Variants in DNASE1 observed in about 807,000 individuals in gnomAD.
DNASE1 encodes deoxyribonuclease 1, also known as deoxyribonuclease-1.
DNASE1 carries 40 observed loss-of-function variants against 33.9 expected under a neutral mutation model. The ratio of observed to expected loss-of-function variants is 1.18; its 90% CI spans 0.92 to 1.54. The LOEUF (loss-of-function observed/expected upper bound fraction) is 1.54, where lower values mean the gene tolerates loss of function less well. DNASE1 is among the 40% of genes most tolerant of loss of function. The pLI is 0.00. For synonymous variants in DNASE1, 216 were observed against 160.0 expected (o/e 1.35, Z -2.64); for missense variants, 518 against 372.6 (o/e 1.39, Z -3.21).
chr16:3,632,586 CTT>C (rs554432843), intron 1 of DNASE1, among the ~76,000 whole-genome samples: 12 of 141,180 alleles, frequency 8.5e-5, no homozygotes, highest in Admixed American at 1.4e-4. Flanking sequence ...TTTTTTCTCT[CTT>C]TTTTTTTTTT....
At chr16:3,643,408 A>C (rs2042078108) in intron 1 of DNASE1, among the ~76,000 whole-genome samples, 1 of 152,192 alleles carries the variant, frequency 6.6e-6, no homozygotes. Context: ...GCCCTAAGAA[A>C]TATCCCAGGC....
At chr16:3,648,350 C>A (rs2042234053) in intron 1 of DNASE1, among the ~76,000 whole-genome samples, 1 of 152,170 alleles carries the variant, frequency 6.6e-6, no homozygotes. Flanking sequence ...AACACAAGGT[C>A]AGGAGATCGA....
At chr16:3,615,113 C>G (rs2151151166) in intron 1 of DNASE1, among the ~76,000 whole-genome samples, 1 of 152,014 alleles carries the variant, frequency 6.6e-6, no homozygotes, top group Non-Finnish European at 1.5e-5. Context: ...CTTAGGCCTA[C>G]TGAATAAATC....
At chr16:3,621,474 C>A (rs1326245666) in intron 1 of DNASE1, among the ~76,000 whole-genome samples, 1 of 152,138 alleles carries the variant, frequency 6.6e-6, no homozygotes. Context: ...CTACTTCTGG[C>A]CCCCTGACCT....
chr16:3,638,390 TA>T (rs1364579222), upstream of DNASE1, among the ~76,000 whole-genome samples: 1 of 152,154 alleles, frequency 6.6e-6, no homozygotes, highest in Non-Finnish European at 1.5e-5. Context: ...CAGGCTGGAG[TA>T]CAGTGGCGCA....
At chr16:3,661,832 G>C (rs532816064), downstream of DNASE1, 8 of 968,196 alleles carry the variant, frequency 8.3e-6, no homozygotes, top group South Asian at 2.1e-4. Context: ...ATTTCACATG[G>C]GTGCAGCCTA....
Position 3,656,178 on chromosome 16 carries a change from G to C in DNASE1, c.313G>C (p.Val105Leu), listed in dbSNP as rs772877991. 1.9e-5 allele frequency: 31 copies of C among 1,613,876 alleles called. No homozygotes were observed. Among genetic ancestry groups the C allele is most frequent in the African/African-American group, 2.7e-5 (2 of 74,926 alleles). ...CAGCTATAAGGAGCGCTACCTGTTC[G>C]TGTACAGGTGGGTGGTCTAGAAAGC... ...RNSYKERYLF[V>L]YRPDQVSAVD... is the part of the protein sequence containing the mutation. The change falls in exon 4 of 9, where the codon GTG becomes CTG. Residue 105 changes from valine to leucine, a missense_variant. By Grantham distance (32) the Val-to-Leu change is conservative (BLOSUM62 1). Transcript: ENST00000246949.
At chr16:3,664,120 G>T (rs114728738) in exon 10 of DNASE1, 6 of 767,376 alleles carry the variant, frequency 7.8e-6, no homozygotes, top group South Asian at 2.5e-5. Context: ...GGAAACAGCC[G>T]TCACAGTCGG....
In DNASE1 at chr16:3,657,005, G is replaced by A; in HGVS notation, c.443G>A (p.Arg148Lys). 5 of 1,613,636 alleles carry A rather than the reference G, an allele frequency of 3.1e-6. No individual in the cohort carries two copies. Among genetic ancestry groups the A allele is most frequent in the Non-Finnish European group, 4.2e-6 (5 of 1,179,942 alleles). ...VRFFSRFTEV[R>K]EFAIVPLHAA... ...GACGTGGCTGTCTCCACAGAGGTCAGGGAGTTTGCCATTGTTCCCCTGCAT... is the reference window on the plus strand; with the variant it reads ...GACGTGGCTGTCTCCACAGAGGTCAAGGAGTTTGCCATTGTTCCCCTGCAT... The change falls in exon 6 of 9, where the codon AGG becomes AAG. Residue 148 changes from arginine (R) to lysine (K), a missense_variant. By Grantham distance (26) the Arg-to-Lys change is conservative (BLOSUM62 2). Coordinates refer to ENST00000246949, the MANE Select transcript of DNASE1 (RefSeq NM_005223.4).
At chr16:3,652,695 A>C (rs1055648090), upstream of DNASE1, 2 of 152,310 alleles carry the variant, frequency 1.3e-5, no homozygotes, top group East Asian at 3.8e-4. Context: ...ATGGGGTGCC[A>C]GTCTTGTGGA....
At chr16:3,633,732 G>A (rs2041775956) in intron 1 of DNASE1, among the ~76,000 whole-genome samples, 2 of 152,064 alleles carry the variant, frequency 1.3e-5, no homozygotes, top group African/African-American at 4.8e-5. Context: ...CTCTAACAGA[G>A]TATTCTCAGT....
chr16:3,662,710 C>T (rs777642592), downstream of DNASE1: 3 of 708,830 alleles, frequency 4.2e-6, no homozygotes, highest in Non-Finnish European at 5.1e-6. Flanking sequence ...GCCTCAGCGG[C>T]ACTCCCGAGC....
At chr16:3,656,512 T>C in intron 4 of DNASE1, 126 bp from the exon 5 acceptor site, 1 of 693,486 alleles carries the variant, frequency 1.4e-6, no homozygotes, top group Non-Finnish European at 2.6e-6. Flanking sequence ...CCCGGACCAA[T>C]GGGTTGAGCA....
chr16:3,640,785 T>C, upstream of DNASE1: 1 of 398,546 alleles, frequency 2.5e-6, no homozygotes, highest in East Asian at 3.6e-5. Context: ...GCCTGGGTAG[T>C]GGCCTCCCCA....
chr16:3,619,767 T>A (rs952727080), intron 1 of DNASE1, among the ~76,000 whole-genome samples: 3 of 152,166 alleles, frequency 2.0e-5, no homozygotes, highest in Admixed American at 1.3e-4. Flanking sequence ...TGCCTTGGCC[T>A]CCCAAAGTGC....
downstream of DNASE1, chr16:3,662,490 TG>T (rs1300813798): frequency 9.6e-6 from 5 of 519,012 alleles, no homozygotes; most frequent in Admixed American, 3.1e-5. Flanking sequence ...GACAGGTTGG[TG>T]GGGGGAGTCT....
upstream of DNASE1, chr16:3,641,163 G>A: frequency 2.6e-6 from 1 of 389,938 alleles, no homozygotes; most frequent in Non-Finnish European, 4.5e-6. Context: ...CACGCTGTGG[G>A]GGGCGTGGCC....
At chr16:3,665,080 G>T (rs992380975) in exon 10 of DNASE1, 1 of 152,842 alleles carries the variant, frequency 6.5e-6, no homozygotes, top group African/African-American at 2.4e-5. Flanking sequence ...TGCACACATG[G>T]TGGGTCTGCA....
At chr16:3,661,590 A>C (rs2043077795), downstream of DNASE1, 1 of 180,342 alleles carries the variant, frequency 5.5e-6, no homozygotes, top group East Asian at 1.4e-4. Flanking sequence ...CGGCTATGAA[A>C]ATGAACTTGT....
Sources: gnomAD v4.1 joint callset for allele counts (sites outside exome capture counted in the v4.1 genomes callset) on GRCh38, gnomAD v4.1.1 for gene constraint, MANE v1.5 for transcripts, NCBI Gene and HGNC (gene_info 2026-07-23, HGNC 2026-07-21) for gene names.